MACF1: variants seen among roughly 807,000 people sequenced by gnomAD.
MACF1 encodes microtubule-actin cross-linking factor 1.
In MACF1, 193 loss-of-function variants were observed where a neutral mutation model predicts 854.8. The ratio of observed to expected loss-of-function variants is 0.23; its 90% CI spans 0.20 to 0.25. MACF1 has a LOEUF of 0.25. MACF1 is among the 10% of genes least tolerant of loss of function. The probability of loss-of-function intolerance (pLI) is 1.00; values close to 1 mark genes in which losing one functional copy is unlikely to be tolerated. For synonymous variants in MACF1, 3,185 were observed against 3,226.7 expected, an observed-to-expected ratio of 0.99 and a Z score of 0.44; for missense variants, 7,722 against 8,929.1, an observed-to-expected ratio of 0.86 and a Z score of 5.45.
At chr1:39,355,825 C>T (rs770920538) in intron 44 of MACF1, among the ~76,000 whole-genome samples, 3 of 152,088 alleles carry the variant, frequency 2.0e-5, no homozygotes, top group Non-Finnish European at 4.4e-5. Context: ...TGCAGTGGTA[C>T]GATCATAGCT....
rs1431261603 is a variant in MACF1 at position 39,387,795 on chromosome 1, G to T, written c.14953G>T (p.Ala4985Ser). The change falls in exon 58 of 101, where the codon GCT becomes TCT. Residue 4985 changes from alanine (A) to serine (S), a missense_variant. Physicochemically the swap from Ala to Ser is moderately conservative, Grantham distance 99. Coordinates refer to ENST00000564288, the MANE Select transcript of MACF1 (RefSeq NM_001394062.1). ...TGAGGATGGAATCCGGGATGAGAAGGCTGGGATCAACCAGAACATGGATGC... is the reference window on the plus strand; with the variant it reads ...TGAGGATGGAATCCGGGATGAGAAGTCTGGGATCAACCAGAACATGGATGC... ...ADEDGIRDEK[A>S]GINQNMDAVT... The T allele has an allele frequency of 6.2e-7, 1 of 1,614,150 alleles. No individual in the cohort carries two copies. The highest frequency in any genetic ancestry group is 1.7e-5 in the Admixed American group (1 of 60,004).
chr1:39,385,440 C>T lies in MACF1; in HGVS notation c.13855C>T (p.Leu4619=), dbSNP rs1650620006. ...NAQKQQVQFM[L]KEFEARRQQH... ...GGTGTCATTTCTATTTCAGTTTATG[C>T]TAAAGGAATTTGAAGCACGCAGGCA... The change falls in exon 57 of 101, where the codon CTA becomes TTA. Residue 4619 remains leucine, a synonymous_variant. Transcript: ENST00000564288. 3 of 1,613,226 alleles carry T rather than the reference C, an allele frequency of 1.9e-6. No homozygotes were observed. The highest frequency in any genetic ancestry group is 1.7e-6 in the Non-Finnish European group (2 of 1,179,596).
At chr1:39,156,474 C>T (rs1413051464) in intron 2 of MACF1, among the ~76,000 whole-genome samples, 3 of 152,134 alleles carry the variant, frequency 2.0e-5, no homozygotes, top group African/African-American at 4.8e-5. Context: ...CAAAAATTAG[C>T]GAGGCATAGT....
At chr1:39,235,464 T>C (rs1264860757) in intron 2 of MACF1, among the ~76,000 whole-genome samples, 1 of 152,218 alleles carries the variant, frequency 6.6e-6, no homozygotes, top group African/African-American at 2.4e-5. Context: ...CCCTAAATTG[T>C]TAAGTATTTT....
At chr1:39,198,315 C>A (rs1221147119) in intron 2 of MACF1, among the ~76,000 whole-genome samples, 1 of 151,882 alleles carries the variant, frequency 6.6e-6, no homozygotes, top group Non-Finnish European at 1.5e-5. Context: ...TGGAGACCAG[C>A]CTGGCCAACA....
chr1:39,108,823 A>G (rs991826529), intron 2 of MACF1, among the ~76,000 whole-genome samples: 1 of 152,204 alleles, frequency 6.6e-6, no homozygotes, highest in African/African-American at 2.4e-5. Flanking sequence ...TAAGGACTAA[A>G]TAGTCTTTAC....
intron 71 of MACF1, among the ~76,000 whole-genome samples, chr1:39,438,332 C>T (rs1279922077): frequency 6.6e-6 from 1 of 152,198 alleles, no homozygotes; most frequent in African/African-American, 2.4e-5. Flanking sequence ...AAGTTTAACA[C>T]AGAACACTGG....
chr1:39,429,312 TA>T lies in MACF1; in HGVS notation c.16878del (p.Lys5626AsnfsTer15). On this transcript the variant is annotated frameshift_variant, in exon 64 of 101. Transcript: ENST00000564288. LOFTEE classifies it high-confidence loss of function. ...DQAIKNGQALLKQTTGEEVLL... is the reference protein window; with the variant it reads ...DQAIKNGQALXKQTTGEEVLL... ...GCTATTAAAAATGGTCAGGCTCTTCTAAAACAAACCACAGGTACTTTGAAAA... is the reference window on the plus strand; with the variant it reads ...GCTATTAAAAATGGTCAGGCTCTTCTAAACAAACCACAGGTACTTTGAAAA... The T allele has an allele frequency of 6.3e-7, 1 of 1,576,158 alleles. No individual in the cohort carries two copies. The highest frequency in any genetic ancestry group is 8.7e-7 in the Non-Finnish European group (1 of 1,146,036).
chr1:39,349,590 A>T lies in MACF1; in HGVS notation c.10928A>T (p.Asp3643Val). ...CACCAAGGCAGAACCACCCAGCAGG[A>T]TCTCTCTGCTTTGCAGAAGAACCAA... ...AGHQGRTTQQ[D>V]LSALQKNQSD... The change falls in exon 42 of 101, where the codon GAT becomes GTT. Residue 3643 changes from aspartate to valine, a missense_variant. Physicochemically the swap from Asp to Val is radical, Grantham distance 152. Transcript: ENST00000564288. The T allele has an allele frequency of 1.2e-6, 2 of 1,614,190 alleles. No homozygotes were observed. Among genetic ancestry groups the T allele is most frequent in the South Asian group, 1.1e-5 (1 of 91,082 alleles).
chr1:39,387,845 A>G lies in MACF1; in HGVS notation c.15003A>G (p.Lys5001=). ...MDAVTEELQA[K]TGSLEEMTQR... ...CTGTTACAGAAGAGCTGCAGGCCAA[A>G]ACAGGGTCACTCGAAGAAATGACTC... is the stretch of plus-strand genomic sequence containing the variant. The change falls in exon 58 of 101, where the codon AAA becomes AAG. Residue 5001 remains lysine, a synonymous_variant. Transcript: ENST00000564288. The G allele has an allele frequency of 1.2e-6, 2 of 1,614,122 alleles. No homozygotes were observed. The highest frequency in any genetic ancestry group is 2.2e-5 in the East Asian group (1 of 44,882).
In MACF1 at chr1:39,318,446, C is replaced by A. The variant is rs768513342; in HGVS notation, c.3783-7C>A. 9 of 1,612,158 alleles carry A rather than the reference C, an allele frequency of 5.6e-6. No individual in the cohort carries two copies. Among genetic ancestry groups the A allele is most frequent in the African/African-American group, 1.3e-5 (1 of 74,848 alleles). On this transcript the variant is annotated splice_region_variant and splice_polypyrimidine_tract_variant and intron_variant, in intron 29 of 100. Transcript: ENST00000564288. ...TATCTGATAGCAGTTTCCCTTTGTTCTTCTAGCCAATCTGAGCTAGAAAGT... is the reference window on the plus strand; with the variant it reads ...TATCTGATAGCAGTTTCCCTTTGTTATTCTAGCCAATCTGAGCTAGAAAGT...
At chr1:39,295,686 T>TTC (rs2148405544) in intron 19 of MACF1, 101 bp from the exon 20 acceptor site, 2 of 791,874 alleles carry the variant, frequency 2.5e-6, no homozygotes, top group East Asian at 5.6e-5. Flanking sequence ...TTCTGTTGGC[T>TTC]TCTCTATCAT....
chr1:39,310,203 A>C lies in MACF1; in HGVS notation c.2917-42A>C, dbSNP rs369489271. ...AATGGAGGAAAAGAGGAAGTGTTAC[A>C]TTTTTATTCTGTTGCAATTTCTTCT... On this transcript the variant is annotated intron_variant, in intron 24 of 100. Coordinates refer to ENST00000564288, the MANE Select transcript of MACF1 (RefSeq NM_001394062.1). The C allele has an allele frequency of 5.9e-6, 9 of 1,519,428 alleles. No homozygotes were observed. In the African/African-American group the frequency reaches 1.1e-4, roughly 19 times the overall value. 94.1% of individuals were successfully genotyped at this position (1,519,428 alleles called of 1,614,324 possible).
At chr1:39,206,167 C>A (rs591994) in intron 1 of MACF1, among the ~76,000 whole-genome samples, 145,168 of 152,298 alleles carry the variant, frequency 0.95, 69,262 homozygotes, top group East Asian at 1. Context: ...CTTTCCAGTA[C>A]GTCCCAGAAA....
intron 1 of MACF1, among the ~76,000 whole-genome samples, chr1:39,214,703 G>C (rs1322425410): frequency 3.3e-5 from 5 of 152,226 alleles, no homozygotes; most frequent in Non-Finnish European, 7.3e-5. Context: ...TTTGGCAGCT[G>C]TAAGTGCGGG....
rs1181137438 is a variant in MACF1, at chr1:39,283,497, A to T, written c.897A>T (p.Gly299=). ...CCTTCCCTAAAGTTCCTGAGGGTGG[A>T]GAAGGGATCAGTGCTACGGTAAAAG... The part of the protein sequence containing the change: ...YDAFPKVPEG[G]EGISATEVDS... Residue 299 remains glycine, a synonymous_variant, in exon 9 of 101, where the codon GGA becomes GGT. Transcript: ENST00000564288. This position sits in a 1 kb window ranked among gnomAD's most constrained non-coding sequence, Gnocchi z 4.5. 1.9e-6 allele frequency: 3 copies of T among 1,604,516 alleles called. No individual in the cohort carries two copies. Among genetic ancestry groups the T allele is most frequent in the Admixed American group, 1.7e-5 (1 of 60,020 alleles).
chr1:39,333,123 G>A lies in MACF1; in HGVS notation c.6535G>A (p.Glu2179Lys). ...TCAGAATGAACAAGCACACACTCTT[G>A]AGACTGAATATATTCATGATGAAAC... ...TCQNEQAHTL[E>K]TEYIHDETGG... Residue 2179 changes from glutamate (E) to lysine (K), a missense_variant, in exon 37 of 101, where the codon GAG becomes AAG. Physicochemically the swap from Glu to Lys is moderately conservative, Grantham distance 56. Transcript: ENST00000564288. The A allele has an allele frequency of 6.2e-7, 1 of 1,614,074 alleles. No individual in the cohort carries two copies. The highest frequency in any genetic ancestry group is 8.5e-7 in the Non-Finnish European group (1 of 1,180,026).
intron 45 of MACF1, 52 bp downstream of exon 45, chr1:39,357,945 C>A (rs769155060): frequency 6.5e-7 from 1 of 1,545,088 alleles, no homozygotes; most frequent in African/African-American, 1.4e-5. Context: ...GCAGCCTTCA[C>A]ACAATGTAGG....
At chr1:39,119,535 A>G (rs542110924) in intron 2 of MACF1, among the ~76,000 whole-genome samples, 1 of 152,228 alleles carries the variant, frequency 6.6e-6, no homozygotes, top group South Asian at 2.1e-4. Context: ...GATGCACTTC[A>G]TGAATTGAGC....
Sources: gnomAD v4.1 joint callset for allele counts (sites outside exome capture counted in the v4.1 genomes callset) on GRCh38, gnomAD v4.1.1 for gene constraint, Gnocchi (gnomAD v3.1) non-coding constraint, MANE v1.5 for transcripts, NCBI Gene and HGNC (gene_info 2026-07-23, HGNC 2026-07-21) for gene names.